Variants in PARP4 observed in about 807,000 individuals in gnomAD.
PARP4 encodes the protein poly(ADP-ribose) polymerase family member 4.
A neutral mutation model predicts 187.7 loss-of-function variants in PARP4; 120 were observed. That is an observed-to-expected ratio of 0.64 (90% CI 0.55 to 0.74). The LOEUF is 0.74. PARP4 is among the 30% of genes least tolerant of loss of function. PARP4 has a pLI of 0.00. For missense variants in PARP4, 1,836 were observed against 2,070.5 expected (o/e 0.89, Z 2.20); for synonymous variants, 654 against 740.9 (o/e 0.88, Z 1.90).
At chr13:24,443,239 G>A (rs145942282) in intron 28 of PARP4, among the ~76,000 whole-genome samples, 5,024 of 148,116 alleles carry the variant, frequency 0.034, 134 homozygotes, top group Non-Finnish European at 0.05. Context: ...GCCCTGGTCT[G>A]CACAGCATGG....
chr13:24,453,506 T>C (rs1871644233), intron 23 of PARP4, 81 bp downstream of exon 23: 2 of 791,114 alleles, frequency 2.5e-6, no homozygotes. Context: ...TGATGGTGGC[T>C]TGAGTGGCCT....
chr13:24,448,177 T>C (rs1190687643), intron 25 of PARP4, among the ~76,000 whole-genome samples: 1 of 151,986 alleles, frequency 6.6e-6, no homozygotes, highest in African/African-American at 2.4e-5. Flanking sequence ...ACCACTGAAT[T>C]CCAGCCTGGG....
chr13:24,497,629 C>T (rs1023846625), intron 6 of PARP4, among the ~76,000 whole-genome samples: 8 of 152,100 alleles, frequency 5.3e-5, no homozygotes, highest in African/African-American at 1.9e-4. Flanking sequence ...AATTATTTAC[C>T]AGGTGTTATG....
Position 24,494,594 on chromosome 13 carries a change from T to C in PARP4, c.720A>G (p.Leu240=), listed in dbSNP as rs1318070586. Residue 240 remains leucine, a synonymous_variant, in exon 7 of 34, where the codon TTA becomes TTG. Coordinates refer to ENST00000381989, the MANE Select transcript of PARP4 (RefSeq NM_006437.4). Reference sequence around the variant, plus strand: ...TCACTGCTTGCAATTGTTCAGATGCTAATTGGGTTGCTTCAGGTGTGAAAT... The same window carrying C: ...TCACTGCTTGCAATTGTTCAGATGCCAATTGGGTTGCTTCAGGTGTGAAAT... The part of the protein sequence containing the change: ...REHFTPEATQ[L]ASEQLQALLL... The C allele has an allele frequency of 1.9e-6, 3 of 1,608,898 alleles. No individual in the cohort carries two copies. Among genetic ancestry groups the C allele is most frequent in the Non-Finnish European group, 2.5e-6 (3 of 1,178,454 alleles).
At chr13:24,502,678 G>A (rs73154386) in intron 2 of PARP4, among the ~76,000 whole-genome samples, 14,890 of 152,272 alleles carry the variant, frequency 0.098, 811 homozygotes, top group Non-Finnish European at 0.12. Context: ...CACAGTATGT[G>A]ACTTTCTAAA....
intron 4 of PARP4, among the ~76,000 whole-genome samples, chr13:24,500,061 A>G (rs954876965): frequency 3.9e-5 from 6 of 152,096 alleles, no homozygotes; most frequent in Non-Finnish European, 8.8e-5. Context: ...AGAATTAAAA[A>G]AAAAACCCAC....
At chr13:24,466,796 CAA>C (rs34197201) in intron 17 of PARP4, among the ~76,000 whole-genome samples, 7 of 90,822 alleles carry the variant, frequency 7.7e-5, no homozygotes, top group Admixed American at 2.4e-4. Context: ...GACTCTGTCT[CAA>C]AAAAAAAAAA....
chr13:24,458,674 G>A (rs1347454757), intron 20 of PARP4, among the ~76,000 whole-genome samples: 1 of 152,192 alleles, frequency 6.6e-6, no homozygotes, highest in South Asian at 2.1e-4. Flanking sequence ...ACTGACTATT[G>A]TGAAACAGGT....
At chr13:24,490,061 T>C (rs1439751146) in intron 10 of PARP4, among the ~76,000 whole-genome samples, 1 of 152,188 alleles carries the variant, frequency 6.6e-6, no homozygotes, top group Non-Finnish European at 1.5e-5. Flanking sequence ...GTCAGTCCCA[T>C]GCTTGAGAAC....
chr13:24,475,382 A>G, intron 15 of PARP4, 90 bp downstream of exon 15: 1 of 1,204,560 alleles, frequency 8.3e-7, no homozygotes, highest in Non-Finnish European at 1.2e-6. Flanking sequence ...AAATCTATCT[A>G]TTCCCTTCAG....
At chr13:24,443,139 G>A (rs1871029142) in intron 28 of PARP4, among the ~76,000 whole-genome samples, 2 of 148,656 alleles carry the variant, frequency 1.3e-5, no homozygotes, top group African/African-American at 2.5e-5. Context: ...TGGCATTGAG[G>A]ACTAACGTTC....
At chr13:24,457,709 T>C (rs1416482134) in intron 20 of PARP4, among the ~76,000 whole-genome samples, 1 of 141,264 alleles carries the variant, frequency 7.1e-6, no homozygotes, top group Non-Finnish European at 1.5e-5. Flanking sequence ...AGGTGGAGTT[T>C]GCAGTGGGCC....
intron 17 of PARP4, 83 bp downstream of exon 17, chr13:24,468,941 C>CT (rs1350731491): frequency 3.9e-6 from 4 of 1,035,560 alleles, no homozygotes; most frequent in Non-Finnish European, 6.0e-6. Flanking sequence ...ATCTTAGCCT[C>CT]TAGCATGAAA....
intron 6 of PARP4, among the ~76,000 whole-genome samples, chr13:24,496,769 A>G (rs1463436541): frequency 1.3e-5 from 2 of 152,332 alleles, no homozygotes; most frequent in African/African-American, 4.8e-5. Context: ...TCATGCCTGT[A>G]ATCCCAGCAC....
In PARP4 at chr13:24,490,678, T is replaced by C; in HGVS notation, c.1204A>G (p.Asn402Asp). 1 of 1,613,286 alleles carries C rather than the reference T, an allele frequency of 6.2e-7. No homozygotes were observed. The highest frequency in any genetic ancestry group is 8.5e-7 in the Non-Finnish European group (1 of 1,179,378). Residue 402 changes from asparagine to aspartate, a missense_variant, in exon 10 of 34, where the codon AAT becomes GAT. Physicochemically the swap from Asn to Asp is conservative, Grantham distance 23 (BLOSUM62 1). Coordinates refer to ENST00000381989, the MANE Select transcript of PARP4 (RefSeq NM_006437.4). The stretch of plus-strand genomic sequence containing the variant: ...TTCCTTTATGCTTACCTGTGATGAT[T>C]CTGCAAAACCTCTTTTCTAACCCTG... ...FLRVRKEVLQ[N>D]HHSKSPVDVL...
chr13:24,458,521 G>C (rs1184029026), intron 20 of PARP4, among the ~76,000 whole-genome samples: 1 of 151,928 alleles, frequency 6.6e-6, no homozygotes, highest in Non-Finnish European at 1.5e-5. Flanking sequence ...AGGATGAAGT[G>C]AGCCATGACT....
chr13:24,497,265 C>T (rs1036594279), intron 6 of PARP4, among the ~76,000 whole-genome samples: 10 of 152,150 alleles, frequency 6.6e-5, no homozygotes, highest in African/African-American at 2.4e-4. Flanking sequence ...GCCCTCAATA[C>T]CCCATATATA....
chr13:24,475,802 T>TA (rs1872956316), intron 14 of PARP4, among the ~76,000 whole-genome samples: 1 of 151,882 alleles, frequency 6.6e-6, no homozygotes, highest in East Asian at 1.9e-4. Context: ...TTTTTTTTTT[T>TA]GAGATAGCAT....
chr13:24,505,535 G>A (rs913620731), intron 1 of PARP4, among the ~76,000 whole-genome samples: 2 of 148,938 alleles, frequency 1.3e-5, no homozygotes, highest in African/African-American at 2.4e-5. Context: ...GTTTCTCACC[G>A]CCTAAACCCC....
Sources: gnomAD v4.1 joint callset for allele counts (sites outside exome capture counted in the v4.1 genomes callset) on GRCh38, gnomAD v4.1.1 for gene constraint, MANE v1.5 for transcripts, NCBI Gene and HGNC (gene_info 2026-07-23, HGNC 2026-07-21) for gene names.